HS2ST1: variants seen among roughly 807,000 people sequenced by gnomAD.
HS2ST1 encodes the protein heparan sulfate 2-O-sulfotransferase 1.
In HS2ST1, 18 loss-of-function variants were observed where a neutral mutation model predicts 42.9. That is an observed-to-expected ratio of 0.42 (90% CI 0.29 to 0.62). HS2ST1 has a LOEUF of 0.62. HS2ST1 is among the 20% of genes least tolerant of loss of function. The pLI, the probability that HS2ST1 is intolerant of heterozygous loss-of-function variation, is 0.21. For synonymous variants in HS2ST1, 146 were observed against 152.9 expected, an observed-to-expected ratio of 0.95 and a Z score of 0.33; for missense variants, 334 against 433.8, an observed-to-expected ratio of 0.77 and a Z score of 2.04.
intron 1 of HS2ST1, among the ~76,000 whole-genome samples, chr1:86,945,443 A>G (rs958229161): frequency 6.6e-6 from 1 of 152,238 alleles, no homozygotes; most frequent in Non-Finnish European, 1.5e-5. Flanking sequence ...TTTGTGTGGC[A>G]GATATTATTC....
At chr1:87,069,734 T>C (rs1651352280) in intron 1 of HS2ST1, among the ~76,000 whole-genome samples, 1 of 152,138 alleles carries the variant, frequency 6.6e-6, no homozygotes, top group Non-Finnish European at 1.5e-5. Flanking sequence ...ACTATTTGAA[T>C]GAGGAAAGTA....
chr1:87,046,103 T>G (rs1180595447), intron 1 of HS2ST1: 1 of 676,298 alleles, frequency 1.5e-6, no homozygotes, highest in Non-Finnish European at 2.8e-6. Flanking sequence ...TGGCATATTT[T>G]TGACAGTTTA....
chr1:87,017,261 C>T (rs1380914226), intron 1 of HS2ST1, among the ~76,000 whole-genome samples: 3 of 152,060 alleles, frequency 2.0e-5, no homozygotes, highest in African/African-American at 2.4e-5. Context: ...CTCAACCTCC[C>T]GAGTAGCTGG....
chr1:87,080,003 A>AT (rs1651645108), intron 2 of HS2ST1, among the ~76,000 whole-genome samples: 1 of 152,130 alleles, frequency 6.6e-6, no homozygotes, highest in Admixed American at 6.5e-5. Flanking sequence ...AGTTATGATC[A>AT]TGCCACTGTG....
chr1:87,037,542 C>G (rs1650410585), intron 1 of HS2ST1, among the ~76,000 whole-genome samples: 1 of 151,190 alleles, frequency 6.6e-6, no homozygotes, highest in Non-Finnish European at 1.5e-5. Context: ...AGCTATCCTT[C>G]TAAAATTACA....
At chr1:86,915,297 G>T in intron 1 of HS2ST1, 137 bp downstream of exon 1, 3 of 965,934 alleles carry the variant, frequency 3.1e-6, no homozygotes, top group Non-Finnish European at 4.5e-6. Context: ...CCGGGAACAA[G>T]GGGCAGCGAG....
chr1:87,052,714 C>T (rs1330356963), intron 1 of HS2ST1, among the ~76,000 whole-genome samples: 5 of 152,096 alleles, frequency 3.3e-5, no homozygotes, highest in African/African-American at 1.2e-4. Flanking sequence ...ATGTGATGAC[C>T]AGAATACCCT....
chr1:87,020,989 C>G (rs1301465777), intron 1 of HS2ST1, among the ~76,000 whole-genome samples: 1 of 152,160 alleles, frequency 6.6e-6, no homozygotes, highest in Non-Finnish European at 1.5e-5. Context: ...TTATCAAATT[C>G]CTTAGTACCC....
At chr1:86,976,296 G>A (rs1648397508) in intron 1 of HS2ST1, among the ~76,000 whole-genome samples, 1 of 152,146 alleles carries the variant, frequency 6.6e-6, no homozygotes, top group South Asian at 2.1e-4. Context: ...TAAAGTTGTT[G>A]CCATGGCAAA....
chr1:87,022,424 CAG>C (rs1243572928), intron 1 of HS2ST1, among the ~76,000 whole-genome samples: 2 of 152,128 alleles, frequency 1.3e-5, no homozygotes, highest in African/African-American at 2.4e-5. Context: ...ATAAAAAACA[CAG>C]AGCTTGTGAG....
chr1:86,949,675 T>C (rs1199724), intron 1 of HS2ST1, among the ~76,000 whole-genome samples: 147,928 of 152,358 alleles, frequency 0.97, 71,843 homozygotes, highest in East Asian at 1. Context: ...TTTGGTTCTA[T>C]TAACCACGTT....
intron 4 of HS2ST1, among the ~76,000 whole-genome samples, chr1:87,093,834 A>G (rs1475849830): frequency 6.7e-6 from 1 of 149,626 alleles, no homozygotes; most frequent in African/African-American, 2.6e-5. Flanking sequence ...TCTGTGTCAC[A>G]TGATGGGGGC....
chr1:87,087,134 C>T (rs1043738458), intron 3 of HS2ST1, among the ~76,000 whole-genome samples: 5 of 151,922 alleles, frequency 3.3e-5, no homozygotes, highest in Non-Finnish European at 7.4e-5. Context: ...TAAATGTGCA[C>T]TATTTATTTT....
intron 1 of HS2ST1, among the ~76,000 whole-genome samples, chr1:86,982,715 C>T (rs763173905): frequency 2.6e-5 from 4 of 152,082 alleles, no homozygotes; most frequent in Non-Finnish European, 4.4e-5. Context: ...GGGATTTCAC[C>T]GTGTTAGCCA....
chr1:86,975,666 G>C (rs1648377530), intron 1 of HS2ST1, among the ~76,000 whole-genome samples: 2 of 152,024 alleles, frequency 1.3e-5, no homozygotes, highest in African/African-American at 4.8e-5. Flanking sequence ...TTAAATCTGA[G>C]GTAATTTTTA....
At chr1:87,067,434 A>G (rs1651283058) in intron 1 of HS2ST1, among the ~76,000 whole-genome samples, 2 of 151,914 alleles carry the variant, frequency 1.3e-5, no homozygotes. Flanking sequence ...TTTCTTGTAA[A>G]TTTGTTTAAG....
At chr1:87,096,700 C>G (rs568914575) in intron 4 of HS2ST1, among the ~76,000 whole-genome samples, 5 of 152,124 alleles carry the variant, frequency 3.3e-5, no homozygotes, top group African/African-American at 4.8e-5. Flanking sequence ...GCTGTGAGAA[C>G]GAGAATTGCC....
chr1:87,039,723 A>G (rs1304954399), intron 1 of HS2ST1, among the ~76,000 whole-genome samples: 1 of 152,278 alleles, frequency 6.6e-6, no homozygotes, highest in African/African-American at 2.4e-5. Flanking sequence ...CTATGGTTTT[A>G]TCCTCACAGA....
At chr1:86,962,616 C>G (rs1213081755) in intron 1 of HS2ST1, among the ~76,000 whole-genome samples, 1 of 152,132 alleles carries the variant, frequency 6.6e-6, no homozygotes, top group Non-Finnish European at 1.5e-5. Context: ...GGGTAAGATA[C>G]GTGGCTTGCC....
Sources: gnomAD v4.1 joint callset for allele counts (sites outside exome capture counted in the v4.1 genomes callset) on GRCh38, gnomAD v4.1.1 for gene constraint, MANE v1.5 for transcripts, NCBI Gene and HGNC (gene_info 2026-07-23, HGNC 2026-07-21) for gene names.